Variants in INTS8 observed in about 807,000 individuals in gnomAD.
INTS8 encodes the protein protein kaonashi-1.
A neutral mutation model predicts 138.9 loss-of-function variants in INTS8; 47 were observed. The observed-to-expected ratio is 0.34, with a 90% CI of 0.27 to 0.43. The LOEUF is 0.43. INTS8 is among the 20% of genes least tolerant of loss of function. INTS8 has a pLI of 1.00. For synonymous variants in INTS8, 392 were observed against 400.9 expected (o/e 0.98, Z 0.27); for missense variants, 996 against 1,173.0 (o/e 0.85, Z 2.20).
intron 10 of INTS8, among the ~76,000 whole-genome samples, chr8:94,843,156 T>C (rs1210924835): frequency 6.6e-6 from 1 of 152,224 alleles, no homozygotes; most frequent in Non-Finnish European, 1.5e-5. Flanking sequence ...AATTTGCCTA[T>C]TTTGAACTTC....
intron 6 of INTS8, among the ~76,000 whole-genome samples, chr8:94,834,457 A>T (rs1814848892): frequency 6.6e-6 from 1 of 151,338 alleles, no homozygotes. Flanking sequence ...TAGAATGAAA[A>T]TCAGCCAAGG....
intron 5 of INTS8, among the ~76,000 whole-genome samples, chr8:94,829,891 T>C (rs1480093682): frequency 6.6e-6 from 1 of 152,198 alleles, no homozygotes; most frequent in African/African-American, 2.4e-5. Flanking sequence ...TTATAATAAA[T>C]TACAGCAGTT....
At chr8:94,862,189 G>GC (rs1462190838) in intron 16 of INTS8, among the ~76,000 whole-genome samples, 1 of 148,262 alleles carries the variant, frequency 6.7e-6, no homozygotes, top group Non-Finnish European at 1.5e-5. Flanking sequence ...TGATCCCCCC[G>GC]CCTGGGCCTC....
chr8:94,881,667 GTGGTGTCATA>G lies in INTS8; in HGVS notation c.*1434_*1443del. 1 of 1,613,484 alleles carries G rather than the reference GTGGTGTCATA, an allele frequency of 6.2e-7. No homozygotes were observed. Among genetic ancestry groups the G allele is most frequent in the Non-Finnish European group, 8.5e-7 (1 of 1,179,786 alleles). Reference sequence around the variant, plus strand: ...CCTGGTGGTTTTTCAGTGCTCTTCGGTGGTGTCATAATGCCTCCATTGCACACTGGTGACA... The same window carrying G: ...CCTGGTGGTTTTTCAGTGCTCTTCGGATGCCTCCATTGCACACTGGTGACA... On this transcript the variant is annotated 3_prime_UTR_variant, in exon 27 of 27. Coordinates refer to ENST00000523731, the MANE Select transcript of INTS8 (RefSeq NM_017864.4).
At chr8:94,877,820 C>T (rs992546893) in intron 26 of INTS8, among the ~76,000 whole-genome samples, 53 of 152,168 alleles carry the variant, frequency 3.5e-4, no homozygotes, top group African/African-American at 1.3e-3. Flanking sequence ...CTTCCTTGCT[C>T]CTGAGCCCCT....
At chr8:94,857,071 CTTTTTTTTTT>C (rs376956021) in intron 15 of INTS8, 93 bp downstream of exon 15, 3 of 546,876 alleles carry the variant, frequency 5.5e-6, no homozygotes, top group African/African-American at 4.5e-5. Flanking sequence ...AGTTTGTAAT[CTTTTTTTTTT>C]TTTTTTTTTG....
At chr8:94,873,580 A>C in intron 22 of INTS8, 103 bp downstream of exon 22, 1 of 729,636 alleles carries the variant, frequency 1.4e-6, no homozygotes, top group Non-Finnish European at 2.5e-6. Context: ...ATGTGATCGT[A>C]AGTCCCAGGT....
At chr8:94,854,620 C>T (rs1263335920) in intron 14 of INTS8, among the ~76,000 whole-genome samples, 3 of 152,170 alleles carry the variant, frequency 2.0e-5, no homozygotes, top group Admixed American at 2.0e-4. Context: ...CGTGACTGAT[C>T]ATACACTGAG....
At chr8:94,846,056 A>G (rs1185986675) in intron 10 of INTS8, among the ~76,000 whole-genome samples, 2 of 152,154 alleles carry the variant, frequency 1.3e-5, no homozygotes, top group Non-Finnish European at 2.9e-5. Context: ...ATTTTTCCAT[A>G]GAAGTCTTAA....
In INTS8 at chr8:94,873,305, C is replaced by A. The variant is rs555869629; in HGVS notation, c.2534-69C>A. The A allele has an allele frequency of 5.0e-5, 51 of 1,016,150 alleles. No individual in the cohort carries two copies. The East Asian group carries it at 1.1e-3, about 22-fold the overall frequency. The allele number at this position is 1,016,150 out of a possible 1,614,324, so 62.9% of individuals were successfully genotyped here. A position where few individuals can be genotyped will look rare whatever the true frequency, so the allele number is the denominator to read the frequency against. The stretch of plus-strand genomic sequence containing the variant: ...TGTTAACTTATGAAGTTACACCTGA[C>A]TCTTTACAAAGGAATCCCTGTTTTT... On this transcript the variant is annotated intron_variant, in intron 21 of 26. Coordinates refer to ENST00000523731, the MANE Select transcript of INTS8 (RefSeq NM_017864.4).
intron 26 of INTS8, among the ~76,000 whole-genome samples, chr8:94,877,009 C>T (rs1816587148): frequency 6.6e-6 from 1 of 152,182 alleles, no homozygotes; most frequent in Admixed American, 6.5e-5. Context: ...CTCTTACTCT[C>T]ATTTCTTTTT....
Position 94,841,538 on chromosome 8 carries a change from T to C in INTS8, c.1065T>C (p.Pro355=). Residue 355 remains proline, a synonymous_variant, in exon 9 of 27, where the codon CCT becomes CCC. Transcript: ENST00000523731. ...FIEDNLTLSL[P]VQFRQSVLRE... Reference sequence around the variant, plus strand: ...AAGACAACTTAACCTTGAGTTTACCTGTCCAGTTCCGACAGTCAGTCCTAA... The same window carrying C: ...AAGACAACTTAACCTTGAGTTTACCCGTCCAGTTCCGACAGTCAGTCCTAA... 1 of 1,609,956 alleles carries C rather than the reference T, an allele frequency of 6.2e-7. No individual in the cohort carries two copies. Among genetic ancestry groups the C allele is most frequent in the Non-Finnish European group, 8.5e-7 (1 of 1,177,280 alleles).
chr8:94,876,513 C>T, intron 26 of INTS8, 24 bp downstream of exon 26: 4 of 1,436,308 alleles, frequency 2.8e-6, no homozygotes, highest in Non-Finnish European at 3.8e-6. Flanking sequence ...TGCCTTTCTT[C>T]AGTGGTACAG....
Position 94,842,375 on chromosome 8 carries a change from A to G in INTS8, c.1147A>G (p.Lys383Glu), listed in dbSNP as rs1401090166. The stretch of plus-strand genomic sequence containing the variant: ...TGAAGCTCTAGATGAAATCTGTTTT[A>G]AAGTTTGTGCCTGTAATACAGTCCG... ...GNEALDEICF[K>E]VCACNTVRDI... is the part of the protein sequence containing the mutation. The change falls in exon 10 of 27, where the codon AAA becomes GAA. Residue 383 changes from lysine to glutamate, a missense_variant. By Grantham distance (56) the Lys-to-Glu change is moderately conservative. Transcript: ENST00000523731. 1.3e-6 allele frequency: 2 copies of G among 1,593,548 alleles called. No homozygotes were observed. The highest frequency in any genetic ancestry group is 1.7e-6 in the Non-Finnish European group (2 of 1,167,628).
chr8:94,861,256 A>ATTTTCT lies in INTS8; in HGVS notation c.2076+1628_2076+1629insCTTTTT, dbSNP rs1815962528. Among the ~76,000 whole-genome samples the ATTTTCT allele has an allele frequency of 8.7e-5, 5 of 57,374 alleles. 1 individual carries two copies. Among genetic ancestry groups the ATTTTCT allele is most frequent in the Non-Finnish European group, 1.5e-4 (5 of 33,386 alleles). The allele number at this position is 57,374 out of a possible 152,430, so 37.6% of individuals were successfully genotyped here. A position where few individuals can be genotyped will look rare whatever the true frequency, so the allele number is the denominator to read the frequency against. On this transcript the variant is annotated intron_variant, in intron 16 of 26. Transcript: ENST00000523731. ...CTTCAGTTTTTCCCCCCTTTTTGTAATTTTTTTTTTTTTTTTTTTTTTTGA... is the reference window on the plus strand; with the variant it reads ...CTTCAGTTTTTCCCCCCTTTTTGTAATTTTCTTTTTTTTTTTTTTTTTTTTTTTTGA...
At position 94,824,452 on chromosome 8, in the gene INTS8, T is replaced by C. The variant is rs1483575429; in HGVS notation, c.131-441T>C. 2.0e-5 allele frequency among the ~76,000 whole-genome samples: 3 copies of C among 152,344 alleles called. No homozygotes were observed. In the East Asian group the frequency reaches 5.8e-4, roughly 29 times the overall value. On this transcript the variant is annotated intron_variant, in intron 1 of 26. Coordinates refer to ENST00000523731, the MANE Select transcript of INTS8 (RefSeq NM_017864.4). Reference sequence around the variant, plus strand: ...ACCTCCTTTAATTTAATCTTCAAAATGATCCTCTATTTTGCATTGGAAGAA... The same window carrying C: ...ACCTCCTTTAATTTAATCTTCAAAACGATCCTCTATTTTGCATTGGAAGAA...
At chr8:94,878,714 CTCT>C (rs1318809599) in intron 26 of INTS8, among the ~76,000 whole-genome samples, 1 of 152,190 alleles carries the variant, frequency 6.6e-6, no homozygotes, top group Admixed American at 6.5e-5. Context: ...GCTTTTGAAG[CTCT>C]TCAAGCCAGC....
chr8:94,856,161 A>G (rs991577193), intron 14 of INTS8, among the ~76,000 whole-genome samples: 6 of 152,362 alleles, frequency 3.9e-5, no homozygotes, highest in African/African-American at 1.4e-4. Context: ...TGAAGCCCCT[A>G]ATTCCTGTAA....
intron 8 of INTS8, among the ~76,000 whole-genome samples, chr8:94,839,566 C>T (rs1159223473): frequency 6.6e-6 from 1 of 152,034 alleles, no homozygotes; most frequent in African/African-American, 2.4e-5. Context: ...ACTTCTTTCC[C>T]CTATCTTTGG....
Sources: gnomAD v4.1 joint callset for allele counts (sites outside exome capture counted in the v4.1 genomes callset) on GRCh38, gnomAD v4.1.1 for gene constraint, MANE v1.5 for transcripts, NCBI Gene and HGNC (gene_info 2026-07-23, HGNC 2026-07-21) for gene names.